Variants in RASGRF2 observed in about 807,000 individuals in gnomAD.
The protein encoded by RASGRF2 is Ras protein specific guanine nucleotide releasing factor 2.
A neutral mutation model predicts 151.0 loss-of-function variants in RASGRF2; 76 were observed. The ratio of observed to expected loss-of-function variants is 0.50; its 90% CI spans 0.42 to 0.61. The LOEUF (loss-of-function observed/expected upper bound fraction) is 0.61, where lower values mean the gene tolerates loss of function less well. Among genes scored for constraint, RASGRF2 ranks in the 20% least tolerant of loss-of-function variants. The pLI, the probability that RASGRF2 is intolerant of heterozygous loss-of-function variation, is 0.00. For synonymous variants in RASGRF2, 504 were observed against 566.5 expected, an observed-to-expected ratio of 0.89 and a Z score of 1.57; for missense variants, 1,148 against 1,564.6, an observed-to-expected ratio of 0.73 and a Z score of 4.49.
chr5:80,969,087 T>C lies in RASGRF2; in HGVS notation c.288+8061T>C, dbSNP rs1747817161. On this transcript the variant is annotated intron_variant, in intron 1 of 26. Coordinates refer to ENST00000265080, the MANE Select transcript of RASGRF2 (RefSeq NM_006909.3). ...TGGTGATCCTCTTACTGAGATCTTC[T>C]TTCCATTTACCCAGCTCCTCCAGCT... Among the ~76,000 whole-genome samples the C allele has an allele frequency of 2.0e-5, 3 of 151,798 alleles. No individual in the cohort carries two copies. In the South Asian group the frequency reaches 6.3e-4, roughly 32 times the overall value.
At chr5:81,095,631 AG>A (rs1752526398) in intron 12 of RASGRF2, among the ~76,000 whole-genome samples, 1 of 152,210 alleles carries the variant, frequency 6.6e-6, no homozygotes, top group African/African-American at 2.4e-5. Context: ...TTGGCTCTGT[AG>A]GGGAAAAGTG....
At chr5:81,194,058 A>T (rs1755207500) in intron 18 of RASGRF2, among the ~76,000 whole-genome samples, 1 of 152,050 alleles carries the variant, frequency 6.6e-6, no homozygotes, top group African/African-American at 2.4e-5. Flanking sequence ...AGTAGCTAAA[A>T]TGTGGCCAGG....
intron 17 of RASGRF2, among the ~76,000 whole-genome samples, chr5:81,148,872 A>G (rs1174117019): frequency 6.6e-6 from 1 of 152,178 alleles, no homozygotes; most frequent in Non-Finnish European, 1.5e-5. Flanking sequence ...ATCAACAAAC[A>G]TACCAAAAAA....
chr5:80,967,232 T>C (rs1195002743), intron 1 of RASGRF2, among the ~76,000 whole-genome samples: 2 of 151,910 alleles, frequency 1.3e-5, no homozygotes, highest in African/African-American at 4.8e-5. Context: ...GTACTAAAAA[T>C]ACAAAATTAG....
intron 17 of RASGRF2, among the ~76,000 whole-genome samples, chr5:81,154,304 G>T (rs1233165344): frequency 2.6e-5 from 4 of 152,322 alleles, no homozygotes. Flanking sequence ...AGGCTAGAGT[G>T]CAGTGGTGTG....
intron 2 of RASGRF2, among the ~76,000 whole-genome samples, chr5:81,062,733 G>A (rs34118): frequency 0.11 from 17,040 of 152,210 alleles, 1,231 homozygotes; most frequent in Non-Finnish European, 0.16. Context: ...GAAGAACCTT[G>A]TGTGTGTCAA....
At chr5:81,080,395 C>T (rs1010347274) in intron 6 of RASGRF2, among the ~76,000 whole-genome samples, 195 bp downstream of exon 6, 1 of 152,130 alleles carries the variant, frequency 6.6e-6, no homozygotes, top group African/African-American at 2.4e-5. Flanking sequence ...ATTCTTTCCC[C>T]TGGCCTGTCA....
intron 1 of RASGRF2, among the ~76,000 whole-genome samples, chr5:81,004,005 G>C (rs1361301394): frequency 1.3e-5 from 2 of 152,202 alleles, no homozygotes; most frequent in African/African-American, 4.8e-5. Flanking sequence ...TAACAAGGGT[G>C]CTAGTCAGTT....
intron 7 of RASGRF2, among the ~76,000 whole-genome samples, chr5:81,081,694 G>A (rs1046230070): frequency 6.6e-6 from 1 of 152,170 alleles, no homozygotes; most frequent in Admixed American, 6.5e-5. Flanking sequence ...CTCTGACCCT[G>A]GCTAATCATT....
At chr5:81,024,249 A>ATTTCTTTTTTTTTTTTTTTT (rs1749931946) in intron 1 of RASGRF2, among the ~76,000 whole-genome samples, 1 of 71,684 alleles carries the variant, frequency 1.4e-5, no homozygotes, top group Non-Finnish European at 2.5e-5. Flanking sequence ...TATTCATATA[A>ATTTCTTTTTTTTTTTTTTTT]TTTTTTTTTT....
intron 18 of RASGRF2, among the ~76,000 whole-genome samples, chr5:81,182,755 G>A (rs556112812): frequency 6.6e-6 from 1 of 152,314 alleles, no homozygotes; most frequent in South Asian, 2.1e-4. Context: ...CAGAAGATGT[G>A]AAGGTGGCCC....
chr5:81,161,398 C>T (rs1011160739), intron 17 of RASGRF2, among the ~76,000 whole-genome samples: 1 of 152,192 alleles, frequency 6.6e-6, no homozygotes. Context: ...GTGCAATGGT[C>T]TGCTGATTTG....
intron 2 of RASGRF2, among the ~76,000 whole-genome samples, chr5:81,066,611 C>T (rs908495246): frequency 1.3e-5 from 2 of 152,196 alleles, no homozygotes; most frequent in South Asian, 4.1e-4. Context: ...CTTTCTGTCT[C>T]TCCTGTCTTT....
In RASGRF2 at chr5:81,201,179, G is replaced by C. The variant is rs796078261; in HGVS notation, c.2794-151G>C. On this transcript the variant is annotated intron_variant, in intron 18 of 26. Coordinates refer to ENST00000265080, the MANE Select transcript of RASGRF2 (RefSeq NM_006909.3). ...ACCACCATTCCTAACCAATTAAATC[G>C]GGACCCTAGGTGTGGCAGGGAACTC... 10 of 1,264,178 alleles carry C rather than the reference G, an allele frequency of 7.9e-6. No homozygotes were observed. The African/African-American group carries it at 1.4e-4, about 17-fold the overall frequency. The allele number at this position is 1,264,178 out of a possible 1,614,324, so 78.3% of individuals were successfully genotyped here.
intron 15 of RASGRF2, among the ~76,000 whole-genome samples, chr5:81,116,560 T>A (rs1330064641): frequency 1.4e-4 from 21 of 151,638 alleles, no homozygotes. Context: ...TTTCTTCTCC[T>A]CCTTCTTCTT....
chr5:81,215,964 A>G lies in RASGRF2; in HGVS notation c.3434+9A>G. ...AGAGAAACCCTTAAAAAGTATGTCT[A>G]TCTTAATTATTAAATTATTCATAAT... is the stretch of plus-strand genomic sequence containing the variant. On this transcript the variant is annotated intron_variant, in intron 24 of 26. Coordinates refer to ENST00000265080, the MANE Select transcript of RASGRF2 (RefSeq NM_006909.3). The G allele has an allele frequency of 6.6e-7, 1 of 1,505,590 alleles. No individual in the cohort carries two copies. Among genetic ancestry groups the G allele is most frequent in the South Asian group, 1.4e-5 (1 of 71,290 alleles). 93.3% of individuals were successfully genotyped at this position (1,505,590 alleles called of 1,614,324 possible).
At chr5:81,179,960 A>G (rs1255635023) in intron 17 of RASGRF2, among the ~76,000 whole-genome samples, 1 of 152,170 alleles carries the variant, frequency 6.6e-6, no homozygotes, top group Non-Finnish European at 1.5e-5. Flanking sequence ...TGTGTGCATT[A>G]TTTATTTAAT....
At chr5:81,062,015 A>AAAC (rs1751455723) in intron 2 of RASGRF2, among the ~76,000 whole-genome samples, 1 of 135,114 alleles carries the variant, frequency 7.4e-6, no homozygotes, top group Non-Finnish European at 1.6e-5. Flanking sequence ...AAAAAAAAAA[A>AAAC]AAAAAAAAAC....
chr5:81,024,644 TA>T (rs1257597343), intron 1 of RASGRF2, among the ~76,000 whole-genome samples: 49 of 152,214 alleles, frequency 3.2e-4, no homozygotes, highest in East Asian at 1.9e-4. Context: ...AGGACTGTGG[TA>T]GGGGGAGGTG....
Sources: allele counts gnomAD v4.1 joint callset (sites outside exome capture counted in the v4.1 genomes callset), GRCh38; gene constraint gnomAD v4.1.1; transcripts MANE v1.5; gene names NCBI Gene and HGNC (gene_info 2026-07-23, HGNC 2026-07-21).